Variants in DPY19L1 observed in about 807,000 individuals in gnomAD.
The protein encoded by DPY19L1 is dpy-19 like C-mannosyltransferase 1.
DPY19L1 carries 35 observed loss-of-function variants against 96.9 expected under a neutral mutation model. That is an observed-to-expected ratio of 0.36 (90% confidence interval 0.28 to 0.48). The LOEUF (loss-of-function observed/expected upper bound fraction) is 0.48. Ranked by LOEUF, DPY19L1 falls within the 20% of genes least tolerant of loss-of-function variation. The pLI is 0.99. For missense variants in DPY19L1, 521 were observed against 777.9 expected (o/e 0.67, Z 3.93); for synonymous variants, 205 against 252.6 (o/e 0.81, Z 1.79).
intron 3 of DPY19L1, among the ~76,000 whole-genome samples, chr7:35,015,833 T>G (rs1785833253): frequency 6.6e-6 from 1 of 152,242 alleles, no homozygotes; most frequent in Admixed American, 6.5e-5. Context: ...CATGGCCTCC[T>G]GGGCTGAGCC....
At chr7:35,022,459 T>C (rs1786017733) in intron 1 of DPY19L1, among the ~76,000 whole-genome samples, 1 of 152,226 alleles carries the variant, frequency 6.6e-6, no homozygotes. Flanking sequence ...GCATTAACTC[T>C]TTCTGATTAA....
At chr7:34,976,930 C>G (rs1784843134) in intron 7 of DPY19L1, among the ~76,000 whole-genome samples, 1 of 150,888 alleles carries the variant, frequency 6.6e-6, no homozygotes, top group South Asian at 2.1e-4. Context: ...ACTACAGGCA[C>G]CCACTACCAC....
chr7:35,021,225 C>A (rs1446728027), intron 1 of DPY19L1, among the ~76,000 whole-genome samples: 1 of 152,168 alleles, frequency 6.6e-6, no homozygotes, highest in Non-Finnish European at 1.5e-5. Context: ...ACTTTAACAG[C>A]AATGCATTTC....
At chr7:34,965,526 A>G (rs77876276) in intron 10 of DPY19L1, among the ~76,000 whole-genome samples, 7,046 of 152,212 alleles carry the variant, frequency 0.046, 361 homozygotes, top group African/African-American at 0.12. Context: ...ACCTCTAGGA[A>G]CAGTGAGGGG....
chr7:34,993,544 A>AT (rs1346714694), intron 6 of DPY19L1, among the ~76,000 whole-genome samples: 2 of 151,880 alleles, frequency 1.3e-5, no homozygotes, highest in Admixed American at 6.6e-5. Context: ...TATTTTTAAG[A>AT]TTTTTTAGGT....
chr7:34,980,761 A>T (rs529393848), intron 7 of DPY19L1, among the ~76,000 whole-genome samples: 1 of 152,328 alleles, frequency 6.6e-6, no homozygotes, highest in African/African-American at 2.4e-5. Context: ...CATCAGAATG[A>T]CTATAATTAA....
rs1180526638 is a variant in DPY19L1, at chr7:35,037,247, T to C, written c.148A>G (p.Lys50Glu). The change falls in exon 1 of 22, where the codon AAG becomes GAG. Residue 50 changes from lysine (K) to glutamate (E), a missense_variant. Transcript: ENST00000638088. The part of the protein sequence containing the change: ...PERAPLSPGR[K>E]GAAGRKGPRA... ...GGCCCCTTCCTGCCCGCGGCGCCCT[T>C]GCGCCCCGGGGACAGGGGCGCGCGC... 4 of 266,696 alleles carry C rather than the reference T, an allele frequency of 1.5e-5. No homozygotes were observed. Among genetic ancestry groups the C allele is most frequent in the Middle Eastern group, 1.0e-3 (1 of 960 alleles). The allele number at this position is 266,696 out of a possible 1,614,324, so 16.5% of individuals were successfully genotyped here. A position where few individuals can be genotyped will look rare whatever the true frequency, so the allele number is the denominator to read the frequency against.
chr7:34,938,417 A>G lies in DPY19L1; in HGVS notation c.1965-298T>C, dbSNP rs116480650. On this transcript the variant is annotated intron_variant, in intron 20 of 21. Transcript: ENST00000638088. ...ATTCTTCACTTCGCTATCACATGTA[A>G]GAGTAAGGTACCCTGTGTGTGAACA... is the stretch of plus-strand genomic sequence containing the variant. 2.6e-3 allele frequency among the ~76,000 whole-genome samples: 396 copies of G among 152,352 alleles called. 3 individuals carry two copies. Among genetic ancestry groups the G allele is most frequent in the African/African-American group, 9.3e-3 (386 of 41,580 alleles).
chr7:34,963,937 T>C (rs887354433), intron 10 of DPY19L1, among the ~76,000 whole-genome samples: 7 of 152,058 alleles, frequency 4.6e-5, no homozygotes, highest in Admixed American at 4.6e-4. Context: ...ACTGGGAAGA[T>C]GGAAGAATAA....
intron 9 of DPY19L1, among the ~76,000 whole-genome samples, chr7:34,967,978 C>A (rs1274453334): frequency 6.6e-6 from 1 of 152,110 alleles, no homozygotes; most frequent in Non-Finnish European, 1.5e-5. Flanking sequence ...AAAATACCTC[C>A]CCTGACCCTT....
intron 1 of DPY19L1, among the ~76,000 whole-genome samples, chr7:35,032,216 A>C (rs1786276429): frequency 6.6e-6 from 1 of 152,150 alleles, no homozygotes; most frequent in African/African-American, 2.4e-5. Flanking sequence ...CTTTTGCTGT[A>C]CTGTCCCCTT....
chr7:35,013,182 T>C (rs1785755921), intron 4 of DPY19L1, among the ~76,000 whole-genome samples: 1 of 152,116 alleles, frequency 6.6e-6, no homozygotes, highest in Non-Finnish European at 1.5e-5. Flanking sequence ...CCAAATGTCA[T>C]CTCCACTTGC....
At chr7:35,024,820 T>C (rs531399536) in intron 1 of DPY19L1, among the ~76,000 whole-genome samples, 1 of 152,232 alleles carries the variant, frequency 6.6e-6, no homozygotes, top group South Asian at 2.1e-4. Flanking sequence ...GTTACACACA[T>C]ACCAGTTTCC....
chr7:34,939,217 CCACT>C, intron 20 of DPY19L1, 55 bp downstream of exon 20: 2 of 1,450,242 alleles, frequency 1.4e-6, no homozygotes, highest in Non-Finnish European at 1.9e-6. Flanking sequence ...CTGGTGTCCT[CCACT>C]CACTGTCTGT....
rs141002358 is a variant in DPY19L1, at chr7:34,995,638, C to T, written c.765-5697G>A. On this transcript the variant is annotated intron_variant, in intron 6 of 21. Transcript: ENST00000638088. ...TCATTAATCATTGAGATTTTTATCT[C>T]TATTTACAAAAATGATGAACCATCC... Among the ~76,000 whole-genome samples the T allele has an allele frequency of 8.2e-3, 1,245 of 152,138 alleles. 20 individuals are homozygous for T. Among genetic ancestry groups the T allele is most frequent in the African/African-American group, 0.029 (1,192 of 41,496 alleles).
At position 34,973,530 on chromosome 7, in the gene DPY19L1, C is replaced by G. The variant is rs780780631; in HGVS notation, c.898G>C (p.Val300Leu). The change falls in exon 8 of 22, where the codon GTG becomes CTG. Residue 300 changes from valine to leucine, a missense_variant. Physicochemically the swap from Val to Leu is conservative, Grantham distance 32. Coordinates refer to ENST00000638088, the MANE Select transcript of DPY19L1 (RefSeq NM_001366673.1). ...CAAAGTTACCTGAGAATATGAGTCA[C>G]TAGCAACATCTGAAGAACAAGAAAT... Reference protein sequence around the residue: ...YPFLVLQMLLVTHILRATKLY... With the variant: ...YPFLVLQMLLLTHILRATKLY... 2 of 1,535,390 alleles carry G rather than the reference C, an allele frequency of 1.3e-6. No individual in the cohort carries two copies. Among genetic ancestry groups the G allele is most frequent in the Non-Finnish European group, 1.8e-6 (2 of 1,140,976 alleles).
At chr7:34,959,016 T>C (rs1391805758) in intron 10 of DPY19L1, among the ~76,000 whole-genome samples, 2 of 151,510 alleles carry the variant, frequency 1.3e-5, no homozygotes, top group African/African-American at 4.9e-5. Context: ...CTTAAACAAA[T>C]TTACAAGAAA....
At chr7:35,018,439 C>A in intron 2 of DPY19L1, 133 bp downstream of exon 2, 1 of 761,394 alleles carries the variant, frequency 1.3e-6, no homozygotes, top group Non-Finnish European at 2.1e-6. Context: ...ACTAGTTTTT[C>A]AGACTATTGT....
At position 34,932,366 on chromosome 7, in the gene DPY19L1, G is replaced by A. The variant is rs559176345; in HGVS notation, c.2091-637C>T. ...AAACATGCTAGGAACACTTATATTA[G>A]CTTACAGTTGGACAAAATCATCAAA... On this transcript the variant is annotated intron_variant, in intron 21 of 21. Transcript: ENST00000638088. Among the ~76,000 whole-genome samples, 4 of 152,236 alleles carry A rather than the reference G, an allele frequency of 2.6e-5. 1 individual carries two copies. The highest frequency in any genetic ancestry group is 9.6e-5 in the African/African-American group (4 of 41,542).
Sources: gnomAD v4.1 joint callset for allele counts (sites outside exome capture counted in the v4.1 genomes callset) on GRCh38, gnomAD v4.1.1 for gene constraint, MANE v1.5 for transcripts, NCBI Gene and HGNC (gene_info 2026-07-23, HGNC 2026-07-21) for gene names.